SFMBT1: variants seen among roughly 807,000 people sequenced by gnomAD.
The protein encoded by SFMBT1 is Scm like with four mbt domains 1, also known as scm-like with four MBT domains protein 1.
SFMBT1 carries 32 observed loss-of-function variants against 108.7 expected under a neutral mutation model. The observed-to-expected ratio is 0.29, with a 90% CI of 0.22 to 0.40. The LOEUF (loss-of-function observed/expected upper bound fraction) is 0.40. Ranked by LOEUF, SFMBT1 falls within the 10% of genes least tolerant of loss-of-function variation. The pLI, the probability that SFMBT1 is intolerant of heterozygous loss-of-function variation, is 1.00. For synonymous variants in SFMBT1, 348 were observed against 369.5 expected (o/e 0.94, Z 0.67); for missense variants, 816 against 1,059.6 (o/e 0.77, Z 3.19).
At chr3:52,941,494 T>C (rs1300705987) in intron 4 of SFMBT1, among the ~76,000 whole-genome samples, 1 of 140,346 alleles carries the variant, frequency 7.1e-6, no homozygotes, top group Admixed American at 8.0e-5. Flanking sequence ...CTTGGGAGGC[T>C]GAGGGAGGAG....
chr3:53,038,886 C>T (rs1395908800), intron 1 of SFMBT1, among the ~76,000 whole-genome samples: 1 of 152,166 alleles, frequency 6.6e-6, no homozygotes, highest in African/African-American at 2.4e-5. Context: ...TAGGTGAAGG[C>T]TTATTTACAA....
chr3:52,930,486 C>T, intron 7 of SFMBT1, 56 bp from the exon 8 acceptor site: 1 of 967,702 alleles, frequency 1.0e-6, no homozygotes, highest in Non-Finnish European at 1.7e-6. Flanking sequence ...CAATCTTACA[C>T]TCACATGTAG....
chr3:53,034,989 C>T (rs765653715), intron 1 of SFMBT1, among the ~76,000 whole-genome samples: 1 of 152,222 alleles, frequency 6.6e-6, no homozygotes, highest in Non-Finnish European at 1.5e-5. Context: ...AAAAGTGTGA[C>T]AGCGGTCCAT....
At chr3:52,985,027 T>C (rs1323970148) in intron 1 of SFMBT1, among the ~76,000 whole-genome samples, 1 of 152,162 alleles carries the variant, frequency 6.6e-6, no homozygotes, top group Non-Finnish European at 1.5e-5. Context: ...CCTTATATTA[T>C]CTTATAGGCT....
chr3:53,038,299 G>C (rs998203255), intron 1 of SFMBT1, among the ~76,000 whole-genome samples: 1 of 152,062 alleles, frequency 6.6e-6, no homozygotes, highest in East Asian at 1.9e-4. Flanking sequence ...ACAACATCAT[G>C]CCAAAGAAAC....
chr3:53,015,305 A>C (rs1699089018), intron 1 of SFMBT1, among the ~76,000 whole-genome samples: 2 of 152,140 alleles, frequency 1.3e-5, no homozygotes. Flanking sequence ...AGAGAATAAC[A>C]AGTGCTGTCA....
chr3:52,953,580 A>G (rs1422890492), intron 3 of SFMBT1, among the ~76,000 whole-genome samples: 2 of 152,232 alleles, frequency 1.3e-5, no homozygotes, highest in Non-Finnish European at 2.9e-5. Flanking sequence ...GCATAAAACC[A>G]GGCTGCACAG....
chr3:52,926,476 A>C (rs559586085), intron 9 of SFMBT1, among the ~76,000 whole-genome samples: 1 of 152,328 alleles, frequency 6.6e-6, no homozygotes, highest in East Asian at 1.9e-4. Flanking sequence ...TCTTATTGTC[A>C]ATTCTAAAGG....
In SFMBT1 at chr3:52,977,889, T is replaced by A. The variant is rs115865235; in HGVS notation, c.-130-8631A>T. Among the ~76,000 whole-genome samples the A allele has an allele frequency of 9.8e-4, 150 of 152,332 alleles. 1 individual carries two copies. Among genetic ancestry groups the A allele is most frequent in the African/African-American group, 3.5e-3 (146 of 41,558 alleles). On this transcript the variant is annotated intron_variant, in intron 1 of 20. Transcript: ENST00000394752. ...ACTTTTTAAGATAAAAATGTACTCA[T>A]ATGTTTACTTCAGTGATTTAAAATT...
intron 1 of SFMBT1, among the ~76,000 whole-genome samples, chr3:52,969,976 G>A (rs558664115): frequency 1.6e-4 from 25 of 151,988 alleles, no homozygotes; most frequent in Non-Finnish European, 3.5e-4. Context: ...GGTGGCGCAC[G>A]CCTGTAGTTT....
intron 5 of SFMBT1, 109 bp from the exon 6 acceptor site, chr3:52,932,417 A>G: frequency 9.2e-7 from 1 of 1,086,418 alleles, no homozygotes; most frequent in Non-Finnish European, 1.3e-6. Flanking sequence ...TTACCCATTC[A>G]AAAGCCAGTG....
chr3:53,021,911 T>C (rs1699317393), intron 1 of SFMBT1, among the ~76,000 whole-genome samples: 1 of 152,234 alleles, frequency 6.6e-6, no homozygotes, highest in Non-Finnish European at 1.5e-5. Flanking sequence ...GTAATATTTC[T>C]TCTAAAGCAG....
chr3:52,955,002 T>C (rs1297205655), intron 2 of SFMBT1, among the ~76,000 whole-genome samples: 1 of 151,886 alleles, frequency 6.6e-6, no homozygotes, highest in Non-Finnish European at 1.5e-5. Context: ...CTAAATCAAC[T>C]AGAGAACCAA....
chr3:52,982,040 C>T (rs1197612939), intron 1 of SFMBT1, among the ~76,000 whole-genome samples: 1 of 151,894 alleles, frequency 6.6e-6, no homozygotes, highest in Non-Finnish European at 1.5e-5. Context: ...CCCCAAGCCA[C>T]CCATGAGTTC....
At chr3:52,952,878 G>C (rs1302567499) in intron 3 of SFMBT1, among the ~76,000 whole-genome samples, 2 of 152,114 alleles carry the variant, frequency 1.3e-5, no homozygotes, top group African/African-American at 2.4e-5. Flanking sequence ...AACAGAATTG[G>C]TTCTTCTTCC....
chr3:53,007,103 T>C (rs150778689), intron 1 of SFMBT1, among the ~76,000 whole-genome samples: 2 of 152,324 alleles, frequency 1.3e-5, no homozygotes, highest in African/African-American at 4.8e-5. Flanking sequence ...GAGGAGCACA[T>C]CCCCTCTCCC....
intron 1 of SFMBT1, among the ~76,000 whole-genome samples, chr3:53,003,508 G>C (rs1234816513): frequency 6.7e-6 from 1 of 149,998 alleles, no homozygotes; most frequent in African/African-American, 2.4e-5. Flanking sequence ...ATAATTGTGG[G>C]AACCAAGTAA....
chr3:52,993,359 A>G (rs1440982242), intron 1 of SFMBT1, among the ~76,000 whole-genome samples: 1 of 150,232 alleles, frequency 6.7e-6, no homozygotes, highest in South Asian at 2.1e-4. Context: ...AAACCAAATT[A>G]CTTCAAAATT....
chr3:52,981,023 G>A (rs1159415309), intron 1 of SFMBT1, among the ~76,000 whole-genome samples: 4 of 152,098 alleles, frequency 2.6e-5, no homozygotes, highest in African/African-American at 4.8e-5. Flanking sequence ...TTAGCCGGGC[G>A]TGGTGGCACA....
Sources: gnomAD v4.1 joint callset for allele counts (sites outside exome capture counted in the v4.1 genomes callset) on GRCh38, gnomAD v4.1.1 for gene constraint, MANE v1.5 for transcripts, NCBI Gene and HGNC (gene_info 2026-07-23, HGNC 2026-07-21) for gene names.